Variants in LSAMP observed in about 807,000 individuals in gnomAD.
The protein encoded by LSAMP is limbic system associated membrane protein.
LSAMP carries 7 observed loss-of-function variants against 38.6 expected under a neutral mutation model. The ratio of observed to expected loss-of-function variants is 0.18; its 90% CI spans 0.10 to 0.34. The LOEUF is 0.34. Ranked by LOEUF, LSAMP falls within the 10% of genes least tolerant of loss-of-function variation. The probability of loss-of-function intolerance (pLI) is 1.00; values close to 1 mark genes in which losing one functional copy is unlikely to be tolerated. For synonymous variants in LSAMP, 154 were observed against 166.8 expected, an observed-to-expected ratio of 0.92 and a Z score of 0.59; for missense variants, 313 against 420.0, an observed-to-expected ratio of 0.75 and a Z score of 2.23.
chr3:116,088,267 C>G (rs917579472), intron 1 of LSAMP, among the ~76,000 whole-genome samples: 2 of 152,130 alleles, frequency 1.3e-5, no homozygotes, highest in Admixed American at 6.6e-5. Flanking sequence ...ATAAACATAA[C>G]TAGATTTAGG....
At chr3:116,073,665 A>T (rs77157056) in intron 2 of LSAMP, among the ~76,000 whole-genome samples, 2,861 of 152,242 alleles carry the variant, frequency 0.019, 95 homozygotes, top group African/African-American at 0.066. Context: ...TTGCATATCA[A>T]TTTTGTATCC....
intron 1 of LSAMP, among the ~76,000 whole-genome samples, chr3:116,343,072 A>G (rs1241862365): frequency 6.6e-6 from 1 of 152,134 alleles, no homozygotes; most frequent in Non-Finnish European, 1.5e-5. Context: ...TTAGCACACA[A>G]AAGTGGAAAA....
chr3:116,187,258 A>G (rs940234524), intron 1 of LSAMP, among the ~76,000 whole-genome samples: 2 of 152,168 alleles, frequency 1.3e-5, no homozygotes, highest in African/African-American at 4.8e-5. Context: ...AGGGGAAACC[A>G]AAGATACCAT....
intron 1 of LSAMP, among the ~76,000 whole-genome samples, chr3:116,158,840 A>G (rs1709817681): frequency 6.6e-6 from 1 of 152,186 alleles, no homozygotes; most frequent in Non-Finnish European, 1.5e-5. Context: ...ACAGGATTAG[A>G]AAAAACTATT....
At chr3:115,939,267 T>TA (rs1419906614) in intron 3 of LSAMP, among the ~76,000 whole-genome samples, 2 of 152,078 alleles carry the variant, frequency 1.3e-5, no homozygotes, top group African/African-American at 4.8e-5. Context: ...TATTTTATAA[T>TA]AAAAAGGGGA....
At chr3:116,272,383 C>G (rs2046986039) in intron 1 of LSAMP, among the ~76,000 whole-genome samples, 1 of 152,076 alleles carries the variant, frequency 6.6e-6, no homozygotes, top group Non-Finnish European at 1.5e-5. Flanking sequence ...AAGTTTCATT[C>G]ATTGTTTGAT....
At chr3:116,340,724 C>T (rs983003854) in intron 1 of LSAMP, among the ~76,000 whole-genome samples, 3 of 151,932 alleles carry the variant, frequency 2.0e-5, no homozygotes, top group African/African-American at 7.2e-5. Flanking sequence ...AGCCTACAAA[C>T]AATACTGTGT....
chr3:116,065,843 T>G (rs934448147), intron 2 of LSAMP, among the ~76,000 whole-genome samples: 1 of 152,214 alleles, frequency 6.6e-6, no homozygotes, highest in Non-Finnish European at 1.5e-5. Flanking sequence ...AGACCTGAGC[T>G]CAAATCATGA....
intron 1 of LSAMP, among the ~76,000 whole-genome samples, chr3:116,169,275 A>G (rs1183641944): frequency 1.3e-5 from 2 of 152,128 alleles, no homozygotes; most frequent in Non-Finnish European, 2.9e-5. Flanking sequence ...TGGGGGGAAA[A>G]AAAGCAAGGA....
intron 2 of LSAMP, among the ~76,000 whole-genome samples, chr3:116,058,461 GA>G (rs35849014): frequency 0.15 from 20,416 of 137,164 alleles, 1,419 homozygotes; most frequent in Non-Finnish European, 0.17. Context: ...ATAAAATTTT[GA>G]AAAAAAAAAA....
At chr3:115,916,809 A>C (rs1197698695) in intron 3 of LSAMP, among the ~76,000 whole-genome samples, 1 of 152,206 alleles carries the variant, frequency 6.6e-6, no homozygotes, top group Non-Finnish European at 1.5e-5. Flanking sequence ...AATCATATTC[A>C]AGTCTATCTC....
intron 1 of LSAMP, among the ~76,000 whole-genome samples, chr3:116,102,155 T>A (rs1708361645): frequency 1.3e-5 from 2 of 152,170 alleles, no homozygotes; most frequent in East Asian, 1.9e-4. Context: ...ACAGTAGAAT[T>A]TTCTCCACTG....
At chr3:116,391,369 T>C (rs4271908) in intron 1 of LSAMP, among the ~76,000 whole-genome samples, 23,685 of 150,300 alleles carry the variant, frequency 0.16, 2,181 homozygotes, top group African/African-American at 0.25. Flanking sequence ...CAGGACCCAC[T>C]CGCAGGCCAG....
intron 6 of LSAMP, among the ~76,000 whole-genome samples, chr3:115,810,921 G>A (rs190036456): frequency 1.1e-3 from 164 of 152,278 alleles, no homozygotes; most frequent in Non-Finnish European, 1.5e-3. Context: ...TTTGCTAATG[G>A]GGAGGGGAAC....
chr3:116,045,364 A>G (rs1043422076), intron 2 of LSAMP, among the ~76,000 whole-genome samples: 7 of 152,152 alleles, frequency 4.6e-5, no homozygotes, highest in African/African-American at 1.2e-4. Flanking sequence ...GAAGATCACA[A>G]TGAATGTCTT....
At chr3:116,200,494 C>G (rs1279548365) in intron 1 of LSAMP, among the ~76,000 whole-genome samples, 1 of 152,152 alleles carries the variant, frequency 6.6e-6, no homozygotes, top group Non-Finnish European at 1.5e-5. Context: ...TTCAGTTTAT[C>G]AAAGACAAAG....
At position 116,138,813 on chromosome 3, in the gene LSAMP, C is replaced by T. The variant is rs78243330; in HGVS notation, c.156-52257G>A. Among the ~76,000 whole-genome samples, 20 of 136,556 alleles carry T rather than the reference C, an allele frequency of 1.5e-4. No homozygotes were observed. The East Asian group carries it at 3.4e-3, about 23-fold the overall frequency. The allele number at this position is 136,556 out of a possible 152,430, so 89.6% of individuals were successfully genotyped here. On this transcript the variant is annotated intron_variant, in intron 1 of 6. Coordinates refer to ENST00000490035, the MANE Select transcript of LSAMP (RefSeq NM_002338.5). ...CTCTAGTTGCTGAAGTCTTACCTTA[C>T]GTAAATTGACTTTTTTTTTTTTCCA...
intron 2 of LSAMP, among the ~76,000 whole-genome samples, chr3:116,043,082 A>T (rs934154417): frequency 6.6e-6 from 1 of 152,144 alleles, no homozygotes; most frequent in East Asian, 1.9e-4. Context: ...CCTGGCCTCT[A>T]TCTATTGGAA....
Position 115,985,684 on chromosome 3 carries a change from C to T in LSAMP, c.514+33831G>A, listed in dbSNP as rs551934795. Among the ~76,000 whole-genome samples, 170 of 152,272 alleles carry T rather than the reference C, an allele frequency of 1.1e-3. 2 individuals carry two copies. Among genetic ancestry groups the T allele is most frequent in the Admixed American group, 8.7e-3 (133 of 15,284 alleles). Reference sequence around the variant, plus strand: ...TCACTGTTTTGGGATAACAGATGCCCAAGGAAACCCCATTATGAGAAGCCC... The same window carrying T: ...TCACTGTTTTGGGATAACAGATGCCTAAGGAAACCCCATTATGAGAAGCCC... On this transcript the variant is annotated intron_variant, in intron 3 of 6. Transcript: ENST00000490035.
Sources: gnomAD v4.1 joint callset for allele counts (sites outside exome capture counted in the v4.1 genomes callset) on GRCh38, gnomAD v4.1.1 for gene constraint, MANE v1.5 for transcripts, NCBI Gene and HGNC (gene_info 2026-07-23, HGNC 2026-07-21) for gene names.